HYAL4: variants seen among roughly 807,000 people sequenced by gnomAD.
HYAL4 encodes the protein hyaluronidase 4, also known as hyaluronidase-4.
Under a neutral mutation model 35.2 loss-of-function variants are expected in HYAL4, and 37 were observed. The ratio of observed to expected loss-of-function variants is 1.05; its 90% confidence interval spans 0.81 to 1.38. The LOEUF is 1.38. Ranked by LOEUF, HYAL4 falls within the 40% of genes most tolerant of loss-of-function variation. The probability of loss-of-function intolerance (pLI) is 0.00; values close to 1 mark genes in which losing one functional copy is unlikely to be tolerated. For synonymous variants in HYAL4, 198 were observed against 203.2 expected (o/e 0.97, Z 0.22); for missense variants, 572 against 572.4 (o/e 1.00, Z 0.01).
chr7:123,794,668 A>G, the HYAL4 span, among the ~76,000 whole-genome samples: 4 of 152,250 alleles, frequency 2.6e-5, no homozygotes, highest in Non-Finnish European at 5.9e-5. Flanking sequence ...GCAGAAGTCA[A>G]GAACTGAGAT....
In HYAL4 at chr7:123,876,819, C is replaced by T; in HGVS notation, c.1110C>T (p.Thr370=). ...SDLGSYIANV[T]RAAEVCSLHL... ...TAGGGAGCTACATAGCCAATGTGAC[C>T]AGAGCTGCTGAGGTATGCAGCCTTC... is the stretch of plus-strand genomic sequence containing the variant. Residue 370 remains threonine (T), a synonymous_variant, in exon 5 of 5, where the codon ACC becomes ACT. Coordinates refer to ENST00000223026, the MANE Select transcript of HYAL4 (RefSeq NM_012269.3). 1 of 1,614,118 alleles carries T rather than the reference C, an allele frequency of 6.2e-7. No individual in the cohort carries two copies. The highest frequency in any genetic ancestry group is 1.1e-5 in the South Asian group (1 of 91,074).
At chr7:123,831,049 G>T (rs1805876578) in intron 1 of HYAL4, among the ~76,000 whole-genome samples, 1 of 152,134 alleles carries the variant, frequency 6.6e-6, no homozygotes, top group Admixed American at 6.6e-5. Context: ...ATTGAAATTT[G>T]ATCCCAAATG....
upstream of HYAL4, among the ~76,000 whole-genome samples, chr7:123,824,792 A>G (rs1004316746): frequency 6.6e-6 from 1 of 152,134 alleles, no homozygotes. Context: ...GTTAAATTAC[A>G]TGAAGGCAGG....
chr7:123,837,996 T>C (rs1805993869), intron 1 of HYAL4, among the ~76,000 whole-genome samples: 1 of 152,192 alleles, frequency 6.6e-6, no homozygotes, highest in African/African-American at 2.4e-5. Flanking sequence ...CATGTGTCTT[T>C]ATAGCAGCAT....
chr7:123,862,787 C>T (rs1487463834), intron 2 of HYAL4, among the ~76,000 whole-genome samples: 2 of 152,168 alleles, frequency 1.3e-5, no homozygotes, highest in Non-Finnish European at 2.9e-5. Context: ...AAAGGCTTGC[C>T]TCAACACAGC....
chr7:123,764,441 T>C, the HYAL4 span, among the ~76,000 whole-genome samples: 1 of 152,232 alleles, frequency 6.6e-6, no homozygotes, highest in African/African-American at 2.4e-5. Flanking sequence ...CATTTGACTC[T>C]AAGGAGATGG....
intron 3 of HYAL4, among the ~76,000 whole-genome samples, chr7:123,871,419 T>C (rs1004603505): frequency 1.3e-5 from 2 of 152,124 alleles, no homozygotes; most frequent in Admixed American, 6.5e-5. Context: ...TTCGAACTCC[T>C]GACCTCAAGA....
the HYAL4 span, among the ~76,000 whole-genome samples, chr7:123,785,583 G>T: frequency 6.6e-6 from 1 of 152,160 alleles, no homozygotes; most frequent in Non-Finnish European, 1.5e-5. This position sits in a 1 kb window ranked among gnomAD's most constrained non-coding sequence, Gnocchi z 4.5. Flanking sequence ...CCATCTTTAA[G>T]AATGGGGATG....
At chr7:123,775,714 ATCTTTAGATG>A in the HYAL4 span, among the ~76,000 whole-genome samples, 3 of 152,100 alleles carry the variant, frequency 2.0e-5, no homozygotes, top group African/African-American at 7.2e-5. Flanking sequence ...TTTAGATGTC[ATCTTTAGATG>A]TCTTTAGATG....
At chr7:123,873,083 G>A (rs1296627718) in intron 3 of HYAL4, among the ~76,000 whole-genome samples, 1 of 152,122 alleles carries the variant, frequency 6.6e-6, no homozygotes, top group Non-Finnish European at 1.5e-5. Flanking sequence ...CAAAGTGAGC[G>A]GAGTGAGGAG....
the HYAL4 span, among the ~76,000 whole-genome samples, chr7:123,768,415 C>G: frequency 6.6e-6 from 1 of 152,190 alleles, no homozygotes; most frequent in Admixed American, 6.5e-5. Context: ...GATATTTCCA[C>G]TTGTTTAGCA....
rs558465168 is a variant in HYAL4 at position 123,837,044 on chromosome 7, A to T, written c.-256-7201A>T. 1.4e-4 allele frequency among the ~76,000 whole-genome samples: 21 copies of T among 152,250 alleles called. No homozygotes were observed. The East Asian group carries it at 3.9e-3, about 28-fold the overall frequency. ...CAAAAACAAAAACAGAAACAAAAAAAAAAGAAAGAAAAAAAAGATTTGGGC... is the reference window on the plus strand; with the variant it reads ...CAAAAACAAAAACAGAAACAAAAAATAAAGAAAGAAAAAAAAGATTTGGGC... On this transcript the variant is annotated intron_variant, in intron 1 of 4. Coordinates refer to the HYAL4 transcript ENST00000489978.
the HYAL4 span, among the ~76,000 whole-genome samples, chr7:123,771,692 C>T: frequency 6.6e-6 from 1 of 152,042 alleles, no homozygotes; most frequent in African/African-American, 2.4e-5. Context: ...GTGAACTTCA[C>T]TGGCCACAGG....
upstream of HYAL4, among the ~76,000 whole-genome samples, chr7:123,825,865 CT>C (rs1436421073): frequency 2.0e-5 from 3 of 151,788 alleles, no homozygotes; most frequent in Admixed American, 2.0e-4. Context: ...TTTATTATTT[CT>C]TTTCATGAGA....
the HYAL4 span, among the ~76,000 whole-genome samples, chr7:123,763,773 C>T: frequency 6.6e-6 from 1 of 152,226 alleles, no homozygotes; most frequent in South Asian, 2.1e-4. Flanking sequence ...ATGTAAGGCC[C>T]TTTAATATCT....
chr7:123,848,200 AT>A (rs1806217303), intron 2 of HYAL4, 42 bp downstream of exon 2: 1 of 152,598 alleles, frequency 6.6e-6, no homozygotes, highest in African/African-American at 2.4e-5. Flanking sequence ...AATTTTAAAA[AT>A]TGTTTTTAGA....
chr7:123,842,900 G>A (rs548362950), upstream of HYAL4, among the ~76,000 whole-genome samples: 31 of 151,736 alleles, frequency 2.0e-4, no homozygotes, highest in Admixed American at 3.3e-4. Context: ...GTCTTTGCAC[G>A]TGAGATGGGT....
intron 1 of HYAL4, among the ~76,000 whole-genome samples, chr7:123,840,006 T>C (rs1047750617): frequency 1.3e-5 from 2 of 152,242 alleles, no homozygotes; most frequent in African/African-American, 4.8e-5. Context: ...ATCCCATTTG[T>C]CTATTTTGGC....
intron 1 of HYAL4, among the ~76,000 whole-genome samples, chr7:123,839,463 A>T (rs1212020491): frequency 6.6e-6 from 1 of 152,182 alleles, no homozygotes; most frequent in Non-Finnish European, 1.5e-5. Context: ...ATGTGTCTTT[A>T]TAATAGCATG....
Sources: allele counts gnomAD v4.1 joint callset (sites outside exome capture counted in the v4.1 genomes callset), GRCh38; gene constraint gnomAD v4.1.1; non-coding constraint Gnocchi (gnomAD v3.1); transcripts MANE v1.5; gene names NCBI Gene and HGNC (gene_info 2026-07-23, HGNC 2026-07-21).